SPCS1: variants seen among roughly 807,000 people sequenced by gnomAD.
SPCS1 encodes SPase 12 kDa subunit.
A neutral mutation model predicts 16.4 loss-of-function variants in SPCS1; 10 were observed. The observed-to-expected ratio is 0.61, with a 90% CI of 0.38 to 1.03. The LOEUF (loss-of-function observed/expected upper bound fraction) is 1.03, where lower values mean the gene tolerates loss of function less well. SPCS1 is among the 50% of genes least tolerant of loss of function. The probability of loss-of-function intolerance (pLI) is 0.01; values close to 1 mark genes in which losing one functional copy is unlikely to be tolerated. For synonymous variants in SPCS1, 47 were observed against 42.5 expected (o/e 1.10, Z -0.41); for missense variants, 118 against 123.8 (o/e 0.95, Z 0.22).
Position 52,706,254 on chromosome 3 carries a change from A to G in SPCS1, c.8A>G (p.Glu3Gly). 1 of 1,594,618 alleles carries G rather than the reference A, an allele frequency of 6.3e-7. No homozygotes were observed. Among genetic ancestry groups the G allele is most frequent in the Non-Finnish European group, 8.5e-7 (1 of 1,178,100 alleles). The change falls in exon 1 of 4, where the codon GAG becomes GGG. Residue 3 changes from glutamate (E) to glycine (G), a missense_variant. Transcript: ENST00000619898. The stretch of plus-strand genomic sequence containing the variant: ...CCGCCTCCTCAGCCAGCCATGCTGG[A>G]GCATCTGAGCTCGCTGCCCACGCAG... Reference protein sequence around the residue: MLEHLSSLPTQMD... With the variant: MLGHLSSLPTQMD...
In SPCS1 at chr3:52,706,439, A is replaced by T. The variant is rs532530219; in HGVS notation, c.36+157A>T. On this transcript the variant is annotated intron_variant, in intron 1 of 3. Coordinates refer to ENST00000619898, the MANE Select transcript of SPCS1 (RefSeq NM_014041.5). ...TGCCTCCTGGGTCCCCTTCTCTTCT[A>T]CTCCGCGAGAATCTCCTGTCCATTC... 217 of 863,380 alleles carry T rather than the reference A, an allele frequency of 2.5e-4. 3 individuals are homozygous for T. In the South Asian group the frequency reaches 3.6e-3, roughly 14 times the overall value. 53.5% of individuals were successfully genotyped at this position (863,380 alleles called of 1,614,324 possible).
At chr3:52,706,617 TTC>T in intron 1 of SPCS1, 25 bp from the exon 2 acceptor site, 5 of 1,610,314 alleles carry the variant, frequency 3.1e-6, no homozygotes, top group Non-Finnish European at 4.2e-6. Flanking sequence ...GTGGAACCAA[TTC>T]TTTTTTTCCT....
rs1363640537 is a variant in SPCS1 at position 52,710,706 on chromosome 3, G to C, written c.*2894G>C. ...GAGCCCCAGAAGTGGAGGTTGCAGT[G>C]AGTTGAGATCATGCCACTGCACTCC... On this transcript the variant is annotated 3_prime_UTR_variant, in exon 4 of 4. Transcript: ENST00000619898. 1 of 152,046 alleles carries C rather than the reference G, an allele frequency of 6.6e-6. No individual in the cohort carries two copies. The highest frequency in any genetic ancestry group is 1.5e-5 in the Non-Finnish European group (1 of 68,028). The allele number at this position is 152,046 out of a possible 1,614,324, so 9.4% of individuals were successfully genotyped here. A position where few individuals can be genotyped will look rare whatever the true frequency, so the allele number is the denominator to read the frequency against.
At chr3:52,706,522 C>A in intron 1 of SPCS1, 122 bp from the exon 2 acceptor site, 2 of 971,740 alleles carry the variant, frequency 2.1e-6, no homozygotes, top group East Asian at 2.5e-5. Context: ...CTTGCCCAGG[C>A]CCTTAGGAGA....
chr3:52,707,553 A>G (rs2097345837), intron 3 of SPCS1, 134 bp from the exon 4 acceptor site: 2 of 871,654 alleles, frequency 2.3e-6, no homozygotes, highest in South Asian at 3.6e-5. Flanking sequence ...CAGAGCCTTT[A>G]TAGGAATATG....
At position 52,709,506 on chromosome 3, in the gene SPCS1, C is replaced by T. The variant is rs184195635; in HGVS notation, c.*1694C>T. 6.6e-6 allele frequency: 1 copy of T among 151,760 alleles called. No homozygotes were observed. The highest frequency in any genetic ancestry group is 2.4e-5 in the African/African-American group (1 of 41,402). 9.4% of individuals were successfully genotyped at this position (151,760 alleles called of 1,614,324 possible). A position where few individuals can be genotyped will look rare whatever the true frequency, so the allele number is the denominator to read the frequency against. On this transcript the variant is annotated 3_prime_UTR_variant, in exon 4 of 4. Coordinates refer to ENST00000619898, the MANE Select transcript of SPCS1 (RefSeq NM_014041.5). ...AGGACTGCTTGAATGCAGTTTGAGA[C>T]CAGCCTGGGCAACACAGACTTCCTC...
Position 52,708,063 on chromosome 3 carries a change from T to C in SPCS1, c.*251T>C. Reference sequence around the variant, plus strand: ...TGAAGTTTCTTTCAGGTGTAAATAATGAAAAATAAATGCCTCATAAATGAT... The same window carrying C: ...TGAAGTTTCTTTCAGGTGTAAATAACGAAAAATAAATGCCTCATAAATGAT... On this transcript the variant is annotated 3_prime_UTR_variant, in exon 4 of 4. Transcript: ENST00000619898. 3.2e-6 allele frequency: 1 copy of C among 316,186 alleles called. No homozygotes were observed. Among genetic ancestry groups the C allele is most frequent in the Non-Finnish European group, 5.9e-6 (1 of 169,442 alleles). 19.6% of individuals were successfully genotyped at this position (316,186 alleles called of 1,614,324 possible).
At chr3:52,707,568 TTTTTTTTTG>T in intron 3 of SPCS1, 110 bp from the exon 4 acceptor site, 3 of 1,078,518 alleles carry the variant, frequency 2.8e-6, no homozygotes, top group South Asian at 3.2e-5. Flanking sequence ...AATATGGATT[TTTTTTTTTG>T]TTTTTTTGTT....
rs1440912633 is a variant in SPCS1 at position 52,710,008 on chromosome 3, T to C, written c.*2196T>C. ...TAAAAGGGCAGGAAGTATTGTTTTA[T>C]TCACCACTATATCCCCAGCTCCTGG... is the stretch of plus-strand genomic sequence containing the variant. On this transcript the variant is annotated 3_prime_UTR_variant, in exon 4 of 4. Coordinates refer to ENST00000619898, the MANE Select transcript of SPCS1 (RefSeq NM_014041.5). The C allele has an allele frequency of 6.6e-6, 1 of 152,226 alleles. No individual in the cohort carries two copies. The highest frequency in any genetic ancestry group is 1.5e-5 in the Non-Finnish European group (1 of 68,056). The allele number at this position is 152,226 out of a possible 1,614,324, so 9.4% of individuals were successfully genotyped here.
rs1457165920 is a variant in SPCS1 at position 52,708,512 on chromosome 3, TATTTA to T, written c.*704_*708del. The T allele has an allele frequency of 6.6e-6, 1 of 152,230 alleles. No homozygotes were observed. The highest frequency in any genetic ancestry group is 2.4e-5 in the African/African-American group (1 of 41,454). The allele number at this position is 152,230 out of a possible 1,614,324, so 9.4% of individuals were successfully genotyped here. A position where few individuals can be genotyped will look rare whatever the true frequency, so the allele number is the denominator to read the frequency against. On this transcript the variant is annotated 3_prime_UTR_variant, in exon 4 of 4. Coordinates refer to ENST00000619898, the MANE Select transcript of SPCS1 (RefSeq NM_014041.5). ...ACAATATGGTGCCACTAGACACGTC[TATTTA>T]ATTAAAATTAAAATATAAAACTCTA...
At chr3:52,707,345 T>A (rs954917724) in intron 3 of SPCS1, 2 of 209,224 alleles carry the variant, frequency 9.6e-6, no homozygotes, top group Non-Finnish European at 1.9e-5. Flanking sequence ...AATTTTTGTA[T>A]TTTTAGTAAA....
chr3:52,706,801 A>G lies in SPCS1; in HGVS notation c.105A>G (p.Gly35=), dbSNP rs1208301031. ...ACTTCATTTGTCTCTAGATAGTTGG[A>G]TTTATCTACGGGTACGTGGCTGAAC... ...QGIILFSAIV[G]FIYGYVAEQF... The change falls in exon 3 of 4, where the codon GGA becomes GGG. Residue 35 remains glycine, a synonymous_variant. Coordinates refer to ENST00000619898, the MANE Select transcript of SPCS1 (RefSeq NM_014041.5). 1 of 1,613,890 alleles carries G rather than the reference A, an allele frequency of 6.2e-7. No homozygotes were observed.
Position 52,706,244 on chromosome 3 carries a change from G to C in SPCS1, c.-3G>C, listed in dbSNP as rs1444968479. Reference sequence around the variant, plus strand: ...GCTCAGCTGCCCGCCTCCTCAGCCAGCCATGCTGGAGCATCTGAGCTCGCT... The same window carrying C: ...GCTCAGCTGCCCGCCTCCTCAGCCACCCATGCTGGAGCATCTGAGCTCGCT... On this transcript the variant is annotated 5_prime_UTR_variant, in exon 1 of 4. Transcript: ENST00000619898. The C allele has an allele frequency of 1.3e-6, 2 of 1,592,870 alleles. No homozygotes were observed. The highest frequency in any genetic ancestry group is 4.5e-5 in the East Asian group (2 of 44,660).
intron 1 of SPCS1, 25 bp from the exon 2 acceptor site, chr3:52,706,619 C>T (rs78824443): frequency 2.9e-5 from 46 of 1,610,408 alleles, no homozygotes; most frequent in Admixed American, 1.2e-4. Flanking sequence ...GGAACCAATT[C>T]TTTTTTTCCT....
At position 52,708,673 on chromosome 3, in the gene SPCS1, T is replaced by C. The variant is rs1343790731; in HGVS notation, c.*861T>C. On this transcript the variant is annotated 3_prime_UTR_variant, in exon 4 of 4. Transcript: ENST00000619898. ...GAATAAAATTTAATAGACAAGTGAT[T>C]TTGTATTTAACATTTCACCTTTATT... 6.6e-6 allele frequency: 1 copy of C among 152,174 alleles called. No individual in the cohort carries two copies. Among genetic ancestry groups the C allele is most frequent in the Admixed American group, 6.5e-5 (1 of 15,276 alleles). The allele number at this position is 152,174 out of a possible 1,614,324, so 9.4% of individuals were successfully genotyped here.
intron 3 of SPCS1, 142 bp downstream of exon 3, chr3:52,707,021 T>C (rs1428331030): frequency 1.4e-6 from 1 of 707,422 alleles, no homozygotes; most frequent in Non-Finnish European, 2.6e-6. Context: ...ATTGGAAAAG[T>C]AGAATGCCAA....
At position 52,708,068 on chromosome 3, in the gene SPCS1, A is replaced by C; in HGVS notation, c.*256A>C. On this transcript the variant is annotated 3_prime_UTR_variant, in exon 4 of 4. Transcript: ENST00000619898. ...TTTCTTTCAGGTGTAAATAATGAAA[A>C]ATAAATGCCTCATAAATGATAGTAC... 3.3e-6 allele frequency: 1 copy of C among 306,900 alleles called. No homozygotes were observed. The highest frequency in any genetic ancestry group is 6.1e-6 in the Non-Finnish European group (1 of 163,210). 19.0% of individuals were successfully genotyped at this position (306,900 alleles called of 1,614,324 possible).
At position 52,710,349 on chromosome 3, in the gene SPCS1, A is replaced by T. The variant is rs1312020846; in HGVS notation, c.*2537A>T. On this transcript the variant is annotated 3_prime_UTR_variant, in exon 4 of 4. Transcript: ENST00000619898. ...CACTGCACTTCAGCCTGGGTGACAG[A>T]GCAAGACTGTGTCTTAAAAAAAAAA... 1 of 138,600 alleles carries T rather than the reference A, an allele frequency of 7.2e-6. No homozygotes were observed. The highest frequency in any genetic ancestry group is 2.7e-5 in the African/African-American group (1 of 36,536). The allele number at this position is 138,600 out of a possible 1,614,324, so 8.6% of individuals were successfully genotyped here. A position where few individuals can be genotyped will look rare whatever the true frequency, so the allele number is the denominator to read the frequency against.
chr3:52,706,843 CTA>C lies in SPCS1; in HGVS notation c.152_153del (p.Ile51SerfsTer45). On this transcript the variant is annotated frameshift_variant, in exon 3 of 4. Transcript: ENST00000619898. LOFTEE classifies it high-confidence loss of function. Reference sequence around the variant, plus strand: ...TGGCTGAACAGTTCGGGTGGACTGTCTATATAGTTATGGCCGGATTTGCTTTT... The same window carrying C: ...TGGCTGAACAGTTCGGGTGGACTGTCTATAGTTATGGCCGGATTTGCTTTT... ...YVAEQFGWTV[Y>X]IVMAGFAFSC... The C allele has an allele frequency of 2.5e-6, 4 of 1,613,904 alleles. No individual in the cohort carries two copies. Among genetic ancestry groups the C allele is most frequent in the Non-Finnish European group, 3.4e-6 (4 of 1,179,900 alleles).
Sources: gnomAD v4.1 joint callset for allele counts on GRCh38, gnomAD v4.1.1 for gene constraint, MANE v1.5 for transcripts, NCBI Gene and HGNC (gene_info 2026-07-23, HGNC 2026-07-21) for gene names.